CSNK2A2IP: variants seen among roughly 807,000 people sequenced by gnomAD.
The protein encoded by CSNK2A2IP is casein kinase II subunit alpha'-interacting protein.
At chr3:88,388,321 G>A in the CSNK2A2IP span, among the ~76,000 whole-genome samples, 1 of 152,030 alleles carries the variant, frequency 6.6e-6, no homozygotes, top group African/African-American at 2.4e-5. Flanking sequence ...TTGGTGCTAG[G>A]CCAATTATGT....
the CSNK2A2IP span, among the ~76,000 whole-genome samples, chr3:88,357,892 T>C: frequency 6.6e-6 from 1 of 151,828 alleles, no homozygotes; most frequent in African/African-American, 2.4e-5. Context: ...GTAGCTAATT[T>C]TTTTTTGTAT....
the CSNK2A2IP span, among the ~76,000 whole-genome samples, chr3:88,396,430 A>C: frequency 6.6e-6 from 1 of 152,166 alleles, no homozygotes; most frequent in Non-Finnish European, 1.5e-5. Context: ...TAAGGGATAT[A>C]ATCAAGTAAC....
chr3:88,434,524 C>T, the CSNK2A2IP span, among the ~76,000 whole-genome samples: 4 of 151,916 alleles, frequency 2.6e-5, no homozygotes, highest in Non-Finnish European at 5.9e-5. Context: ...AAAACAAAAC[C>T]AAAACCAAAA....
chr3:88,402,327 T>C, the CSNK2A2IP span, among the ~76,000 whole-genome samples: 1 of 152,076 alleles, frequency 6.6e-6, no homozygotes, highest in Non-Finnish European at 1.5e-5. Flanking sequence ...GTAGTGGTTG[T>C]ATAAATTGAT....
chr3:88,391,480 CA>C, the CSNK2A2IP span, among the ~76,000 whole-genome samples: 1 of 152,058 alleles, frequency 6.6e-6, no homozygotes, highest in African/African-American at 2.4e-5. Flanking sequence ...TGCAAACCTG[CA>C]AAGTGAAATA....
At chr3:88,437,426 T>A in the CSNK2A2IP span, among the ~76,000 whole-genome samples, 5 of 152,348 alleles carry the variant, frequency 3.3e-5, no homozygotes, top group Non-Finnish European at 5.9e-5. Context: ...TGAAAGTGAC[T>A]GTATTTTAAG....
the CSNK2A2IP span, among the ~76,000 whole-genome samples, chr3:88,378,816 G>T: frequency 2.7e-3 from 414 of 152,062 alleles, no homozygotes; most frequent in Non-Finnish European, 4.5e-3. Context: ...TTGTTTAAAA[G>T]TAAACAATAC....
the CSNK2A2IP span, among the ~76,000 whole-genome samples, chr3:88,454,924 A>G: frequency 1.3e-5 from 2 of 151,642 alleles, no homozygotes; most frequent in Non-Finnish European, 3.0e-5. Context: ...CTGTCATTCT[A>G]CTCTGTTACT....
chr3:88,374,864 T>G, the CSNK2A2IP span, among the ~76,000 whole-genome samples: 1 of 151,624 alleles, frequency 6.6e-6, no homozygotes, highest in African/African-American at 2.4e-5. Context: ...ATATTCCAAC[T>G]ATACAGATTC....
the CSNK2A2IP span, among the ~76,000 whole-genome samples, chr3:88,460,808 A>G: frequency 6.6e-6 from 1 of 151,724 alleles, no homozygotes; most frequent in Admixed American, 6.6e-5. Context: ...CATTTTGAGG[A>G]TGGACGCCAT....
At chr3:88,383,971 T>C in the CSNK2A2IP span, among the ~76,000 whole-genome samples, 5 of 152,196 alleles carry the variant, frequency 3.3e-5, no homozygotes, top group Admixed American at 6.5e-5. Flanking sequence ...CTTCTTCTTA[T>C]TCTTTAGTTC....
At chr3:88,450,249 G>C in the CSNK2A2IP span, among the ~76,000 whole-genome samples, 1 of 152,060 alleles carries the variant, frequency 6.6e-6, no homozygotes, top group Admixed American at 6.6e-5. Flanking sequence ...TAGATAATAA[G>C]AAAGGTACTA....
At chr3:88,458,243 C>T in the CSNK2A2IP span, among the ~76,000 whole-genome samples, 2 of 145,252 alleles carry the variant, frequency 1.4e-5, no homozygotes, top group Non-Finnish European at 3.0e-5. Flanking sequence ...CTCTGCCTCT[C>T]GAGTTCAAGC....
At chr3:88,412,559 C>T in the CSNK2A2IP span, among the ~76,000 whole-genome samples, 9 of 151,986 alleles carry the variant, frequency 5.9e-5, no homozygotes, top group African/African-American at 1.2e-4. Flanking sequence ...TTAAACTACA[C>T]ATTTGTGAAA....
chr3:88,386,150 G>A, the CSNK2A2IP span, among the ~76,000 whole-genome samples: 42 of 151,566 alleles, frequency 2.8e-4, no homozygotes, highest in Admixed American at 2.1e-3. Context: ...TTGAGATGGA[G>A]TTTCACTCTT....
chr3:88,390,060 G>A, the CSNK2A2IP span, among the ~76,000 whole-genome samples: 5,705 of 152,192 alleles, frequency 0.037, 263 homozygotes, highest in African/African-American at 0.11. Context: ...CTCTGAAGGT[G>A]GACGGGACTT....
At chr3:88,427,886 C>T in the CSNK2A2IP span, among the ~76,000 whole-genome samples, 1 of 152,236 alleles carries the variant, frequency 6.6e-6, no homozygotes, top group East Asian at 1.9e-4. Flanking sequence ...CACAGAGTAC[C>T]CACTTGGTCA....
the CSNK2A2IP span, among the ~76,000 whole-genome samples, chr3:88,417,392 C>T: frequency 6.6e-6 from 1 of 152,164 alleles, no homozygotes; most frequent in Non-Finnish European, 1.5e-5. Context: ...TTAATTACCT[C>T]TCCTGGCCTG....
At chr3:88,358,036 T>A in the CSNK2A2IP span, among the ~76,000 whole-genome samples, 131 of 152,254 alleles carry the variant, frequency 8.6e-4, no homozygotes, top group African/African-American at 3.1e-3. Context: ...ATAATTTTCA[T>A]TGTAGAGATT....
Sources: allele counts gnomAD v4.1 joint callset (sites outside exome capture counted in the v4.1 genomes callset), GRCh38; gene constraint gnomAD v4.1.1; transcripts MANE v1.5; gene names NCBI Gene and HGNC (gene_info 2026-07-23, HGNC 2026-07-21).